MYO18B: variants seen among roughly 807,000 people sequenced by gnomAD.
MYO18B encodes myosin XVIIIB.
Under a neutral mutation model 273.0 loss-of-function variants are expected in MYO18B, and 204 were observed. The observed-to-expected ratio is 0.75, with a 90% confidence interval of 0.67 to 0.84. MYO18B has a LOEUF of 0.84. Among genes scored for constraint, MYO18B ranks in the 40% least tolerant of loss-of-function variants. MYO18B has a pLI of 0.00. For synonymous variants in MYO18B, 1,330 were observed against 1,305.7 expected, an observed-to-expected ratio of 1.02 and a Z score of -0.40; for missense variants, 3,212 against 3,287.6, an observed-to-expected ratio of 0.98 and a Z score of 0.56.
chr22:25,986,883 C>T (rs546681537), intron 39 of MYO18B, among the ~76,000 whole-genome samples: 4 of 152,046 alleles, frequency 2.6e-5, no homozygotes, highest in South Asian at 2.1e-4. Flanking sequence ...TGTACACACA[C>T]GTTTGCATAT....
chr22:25,851,554 C>T lies in MYO18B; in HGVS notation c.3860C>T (p.Thr1287Ile). 6.4e-7 allele frequency: 1 copy of T among 1,558,720 alleles called. No homozygotes were observed. Among genetic ancestry groups the T allele is most frequent in the East Asian group, 2.4e-5 (1 of 41,562 alleles). ...CCACTCCTGAAGAAGCTCATGTCGACCTCCGAGGGAATAGATGAAAGGAAG... is the reference window on the plus strand; with the variant it reads ...CCACTCCTGAAGAAGCTCATGTCGATCTCCGAGGGAATAGATGAAAGGAAG... ...DAPLLKKLMSTSEGIDERKAV... is the reference protein window; with the variant it reads ...DAPLLKKLMSISEGIDERKAV... Residue 1287 changes from threonine to isoleucine, a missense_variant, in exon 21 of 44, where the codon ACC becomes ATC. Thr to Ile is a moderately conservative substitution (Grantham distance 89). Coordinates refer to ENST00000335473, the MANE Select transcript of MYO18B (RefSeq NM_032608.7).
intron 12 of MYO18B, among the ~76,000 whole-genome samples, chr22:25,800,054 C>T (rs1158669970): frequency 1.3e-5 from 2 of 152,156 alleles, no homozygotes; most frequent in Non-Finnish European, 2.9e-5. Flanking sequence ...TTGGATGGAG[C>T]TGGAGGCCAT....
intron 25 of MYO18B, 122 bp downstream of exon 25, chr22:25,878,170 AC>A: frequency 1.4e-6 from 1 of 729,612 alleles, no homozygotes. Context: ...CCCCAGAATT[AC>A]CTGTGAGGCA....
At position 25,835,350 on chromosome 22, in the gene MYO18B, T is replaced by G; in HGVS notation, c.3115T>G (p.Leu1039Val). The G allele has an allele frequency of 6.2e-7, 1 of 1,613,934 alleles. No homozygotes were observed. Among genetic ancestry groups the G allele is most frequent in the Non-Finnish European group, 8.5e-7 (1 of 1,179,878 alleles). ...AQDARGLFWV[L>V]DEEVHVEGSS... is the part of the protein sequence containing the mutation. Reference sequence around the variant, plus strand: ...GGATGCCAGAGGCCTTTTCTGGGTCTTAGATGAGGAAGTCCATGTAGAGGG... The same window carrying G: ...GGATGCCAGAGGCCTTTTCTGGGTCGTAGATGAGGAAGTCCATGTAGAGGG... Residue 1039 changes from leucine (L) to valine (V), a missense_variant, in exon 17 of 44, where the codon TTA (leucine) becomes GTA (valine). Coordinates refer to ENST00000335473, the MANE Select transcript of MYO18B (RefSeq NM_032608.7).
intron 42 of MYO18B, among the ~76,000 whole-genome samples, chr22:26,018,100 G>C (rs1013625434): frequency 6.6e-6 from 1 of 151,256 alleles, no homozygotes; most frequent in Non-Finnish European, 1.5e-5. Flanking sequence ...GTGAAGTCAA[G>C]GCAAATTCTG....
chr22:25,892,969 G>A (rs956587341), intron 27 of MYO18B, among the ~76,000 whole-genome samples: 1 of 152,208 alleles, frequency 6.6e-6, no homozygotes, highest in East Asian at 1.9e-4. Flanking sequence ...GTTAATGAGA[G>A]GGGGACATGT....
chr22:25,912,774 CTCTT>C (rs2092182661), intron 33 of MYO18B, among the ~76,000 whole-genome samples: 1 of 152,164 alleles, frequency 6.6e-6, no homozygotes, highest in African/African-American at 2.4e-5. Context: ...CTCTGCTTTT[CTCTT>C]TCTTTCCTCC....
At chr22:25,918,466 G>C (rs1409549572) in intron 33 of MYO18B, among the ~76,000 whole-genome samples, 1 of 152,284 alleles carries the variant, frequency 6.6e-6, no homozygotes, top group South Asian at 2.1e-4. Context: ...TGCTTTAAAA[G>C]GGAAACTCGC....
At chr22:25,873,731 C>T (rs532814936) in intron 22 of MYO18B, among the ~76,000 whole-genome samples, 9 of 152,330 alleles carry the variant, frequency 5.9e-5, no homozygotes, top group African/African-American at 2.2e-4. Flanking sequence ...TGAGCCACCA[C>T]GCCCGGCTGG....
At chr22:25,900,524 A>G (rs1486438248) in intron 29 of MYO18B, 4 of 152,090 alleles carry the variant, frequency 2.6e-5, no homozygotes, top group Non-Finnish European at 4.4e-5. Flanking sequence ...TTTTGGTTGG[A>G]TTGTTTGTGG....
At chr22:25,915,027 A>G (rs547393483) in intron 33 of MYO18B, among the ~76,000 whole-genome samples, 1 of 151,968 alleles carries the variant, frequency 6.6e-6, no homozygotes, top group East Asian at 1.9e-4. Flanking sequence ...GATTGGGGCA[A>G]CAAAGATCTC....
the MYO18B span, among the ~76,000 whole-genome samples, chr22:26,055,800 T>G: frequency 1.3e-5 from 2 of 152,080 alleles, no homozygotes; most frequent in Non-Finnish European, 2.9e-5. Context: ...GGAGAGCCAG[T>G]GTAGGAGACA....
At chr22:25,830,823 TAGA>T in intron 15 of MYO18B, among the ~76,000 whole-genome samples, 1 of 152,312 alleles carries the variant, frequency 6.6e-6, no homozygotes, top group East Asian at 1.9e-4. Context: ...GCAGAGAGTA[TAGA>T]TACAGGGAAG....
chr22:25,894,104 A>G (rs1319166056), intron 27 of MYO18B, among the ~76,000 whole-genome samples: 1 of 152,228 alleles, frequency 6.6e-6, no homozygotes, highest in African/African-American at 2.4e-5. Context: ...TAGGAACACA[A>G]TGATGAACAA....
intron 25 of MYO18B, 80 bp downstream of exon 25, chr22:25,878,128 T>A: frequency 8.9e-7 from 1 of 1,123,220 alleles, no homozygotes; most frequent in Non-Finnish European, 1.3e-6. Context: ...AACAATGATA[T>A]GCCTGAAAGC....
At chr22:25,970,551 G>A (rs757789175) in intron 39 of MYO18B, among the ~76,000 whole-genome samples, 10 of 151,958 alleles carry the variant, frequency 6.6e-5, no homozygotes, top group Non-Finnish European at 1.2e-4. Flanking sequence ...TCTGCCGCCC[G>A]CCCGCTTGGA....
At chr22:25,831,093 T>C (rs1308944854) in intron 15 of MYO18B, among the ~76,000 whole-genome samples, 1 of 152,252 alleles carries the variant, frequency 6.6e-6, no homozygotes, top group African/African-American at 2.4e-5. Context: ...CTGTTTCTTT[T>C]TTGTTTGTTG....
chr22:25,746,371 C>T (rs1404176626), intron 1 of MYO18B, among the ~76,000 whole-genome samples: 1 of 152,146 alleles, frequency 6.6e-6, no homozygotes. Flanking sequence ...TCTTGATGCT[C>T]CTTCCCATTT....
chr22:25,840,755 G>A (rs1240742608), intron 17 of MYO18B, among the ~76,000 whole-genome samples: 1 of 152,204 alleles, frequency 6.6e-6, no homozygotes, highest in African/African-American at 2.4e-5. Context: ...ATATGGTAGG[G>A]TGAGGCTGGA....
Sources: gnomAD v4.1 joint callset for allele counts (sites outside exome capture counted in the v4.1 genomes callset) on GRCh38, gnomAD v4.1.1 for gene constraint, MANE v1.5 for transcripts, NCBI Gene and HGNC (gene_info 2026-07-23, HGNC 2026-07-21) for gene names.